FUT8: variants seen among roughly 807,000 people sequenced by gnomAD.
FUT8 encodes alpha-(1,6)-fucosyltransferase.
In FUT8, 29 loss-of-function variants were observed where a neutral mutation model predicts 71.3. The observed-to-expected ratio is 0.41, with a 90% CI of 0.30 to 0.55. The LOEUF (loss-of-function observed/expected upper bound fraction) is 0.55. FUT8 is among the 20% of genes least tolerant of loss of function. The probability of loss-of-function intolerance (pLI) is 0.34; values close to 1 mark genes in which losing one functional copy is unlikely to be tolerated. For synonymous variants in FUT8, 254 were observed against 239.3 expected (o/e 1.06, Z -0.57); for missense variants, 544 against 702.1 (o/e 0.77, Z 2.55).
At chr14:65,397,070 G>A in the FUT8 span, among the ~76,000 whole-genome samples, 2 of 152,170 alleles carry the variant, frequency 1.3e-5, no homozygotes, top group South Asian at 4.1e-4. The surrounding 1 kb of genome is among the most constrained non-coding windows in gnomAD (Gnocchi z 4.2). Flanking sequence ...TCCTCATAGT[G>A]GATAATTAGG....
chr14:65,549,777 C>T (rs1008034407), intron 2 of FUT8, among the ~76,000 whole-genome samples: 1 of 152,132 alleles, frequency 6.6e-6, no homozygotes, highest in African/African-American at 2.4e-5. Context: ...TAGTATCTGA[C>T]AATAAGTCCT....
the FUT8 span, among the ~76,000 whole-genome samples, chr14:65,376,384 G>T: frequency 6.6e-6 from 1 of 152,146 alleles, no homozygotes; most frequent in African/African-American, 2.4e-5. Context: ...AGCAAGAAAT[G>T]AAAATCTCTC....
the FUT8 span, among the ~76,000 whole-genome samples, chr14:65,384,925 C>T: frequency 6.9e-6 from 1 of 144,994 alleles, no homozygotes; most frequent in African/African-American, 2.6e-5. The surrounding 1 kb of genome is among the most constrained non-coding windows in gnomAD (Gnocchi z 4.2). Flanking sequence ...GAGTTTCGCT[C>T]TTGTTGCCCA....
Position 65,467,300 on chromosome 14 carries a change from T to A in FUT8, c.-228+11582T>A, listed in dbSNP as rs1295167373. ...TTTTTTAACAGCCCAGAGGTCTTAT[T>A]TTATTTTATTTTTTTGAGATGGAGT... On this transcript the variant is annotated intron_variant, in intron 2 of 10. Coordinates refer to ENST00000673929, the MANE Select transcript of FUT8 (RefSeq NM_001371533.1). The surrounding 1 kb of genome is among the most constrained non-coding windows in gnomAD (Gnocchi z 4.1). Among the ~76,000 whole-genome samples the A allele has an allele frequency of 6.6e-6, 1 of 152,100 alleles. No individual in the cohort carries two copies. The highest frequency in any genetic ancestry group is 2.4e-5 in the African/African-American group (1 of 41,408).
chr14:65,534,862 A>G (rs1218522221), intron 2 of FUT8, among the ~76,000 whole-genome samples: 1 of 151,366 alleles, frequency 6.6e-6, no homozygotes, highest in African/African-American at 2.4e-5. Context: ...AATTTTTTCA[A>G]AAAACAAACT....
At chr14:65,640,647 TTC>T (rs949716088) in intron 6 of FUT8, among the ~76,000 whole-genome samples, 5 of 152,062 alleles carry the variant, frequency 3.3e-5, no homozygotes, top group Admixed American at 3.3e-4. Context: ...TTTAAAGAAT[TTC>T]CCCCAAAACA....
intron 3 of FUT8, among the ~76,000 whole-genome samples, chr14:65,604,514 A>G (rs1273491399): frequency 6.6e-6 from 1 of 151,990 alleles, no homozygotes; most frequent in African/African-American, 2.4e-5. Context: ...TGGGTCAACA[A>G]TGAAATCAAA....
At chr14:65,475,063 A>G (rs570133882) in intron 2 of FUT8, among the ~76,000 whole-genome samples, 3 of 152,324 alleles carry the variant, frequency 2.0e-5, no homozygotes, top group African/African-American at 7.2e-5. Flanking sequence ...AGTTATGCAT[A>G]CAAGGATGAT....
intron 2 of FUT8, among the ~76,000 whole-genome samples, chr14:65,481,091 A>C (rs1455161999): frequency 2.6e-5 from 4 of 152,072 alleles, no homozygotes; most frequent in Non-Finnish European, 5.9e-5. Context: ...TTCTAATTTC[A>C]GCACATTCTT....
chr14:65,444,379 C>T (rs1035318115), intron 1 of FUT8, among the ~76,000 whole-genome samples: 9 of 152,202 alleles, frequency 5.9e-5, no homozygotes, highest in Non-Finnish European at 1.0e-4. Flanking sequence ...TATACAGCTA[C>T]TTCAGAGAAC....
intron 6 of FUT8, among the ~76,000 whole-genome samples, chr14:65,654,819 A>G (rs1026350501): frequency 6.6e-6 from 1 of 152,198 alleles, no homozygotes; most frequent in African/African-American, 2.4e-5. Context: ...TGCATGAAAT[A>G]TAAATACAAA....
At chr14:65,611,953 A>G (rs148828291) in intron 3 of FUT8, among the ~76,000 whole-genome samples, 3 of 152,212 alleles carry the variant, frequency 2.0e-5, no homozygotes, top group African/African-American at 7.2e-5. Flanking sequence ...GAGCCACCGC[A>G]CCTGGCCTAT....
chr14:65,384,403 A>T, the FUT8 span, among the ~76,000 whole-genome samples: 1 of 152,128 alleles, frequency 6.6e-6, no homozygotes, highest in Non-Finnish European at 1.5e-5. The surrounding 1 kb of genome is among the most constrained non-coding windows in gnomAD (Gnocchi z 4.2). Context: ...ATGCACCACC[A>T]TGCCTGACTA....
chr14:65,429,538 T>C (rs1325896023), intron 1 of FUT8, among the ~76,000 whole-genome samples: 1 of 152,144 alleles, frequency 6.6e-6, no homozygotes, highest in African/African-American at 2.4e-5. Context: ...TGAAGATTTG[T>C]CACTCTGACA....
chr14:65,497,000 C>T (rs192326417), intron 2 of FUT8, among the ~76,000 whole-genome samples: 153 of 152,202 alleles, frequency 1.0e-3, no homozygotes, highest in Non-Finnish European at 1.9e-3. Flanking sequence ...ATAGCAACCA[C>T]CTCCTAGGGT....
At chr14:65,460,217 A>G (rs2065951202) in intron 2 of FUT8, among the ~76,000 whole-genome samples, 1 of 152,226 alleles carries the variant, frequency 6.6e-6, no homozygotes, top group African/African-American at 2.4e-5. Context: ...CTGTTTCTGC[A>G]CATTCGCTGA....
In FUT8 at chr14:65,616,038, G is replaced by A. The variant is rs373968009; in HGVS notation, c.264G>A (p.Glu88=). The A allele has an allele frequency of 4.0e-5, 64 of 1,613,946 alleles. No homozygotes were observed. The Middle Eastern group carries it at 4.9e-4, about 12-fold the overall frequency. ...TAGGAAGAGTACGCGTTTTAGAAGA[G>A]CAGCTTGTTAAGGCCAAAGAACAGA... is the stretch of plus-strand genomic sequence containing the variant. The part of the protein sequence containing the change: ...PAIGRVRVLE[E]QLVKAKEQIE... Residue 88 remains glutamate (E), a synonymous_variant, in exon 4 of 11, where the codon GAG becomes GAA. Transcript: ENST00000673929.
intron 1 of FUT8, among the ~76,000 whole-genome samples, chr14:65,425,418 T>C (rs1301375863): frequency 6.7e-6 from 1 of 150,370 alleles, no homozygotes; most frequent in Non-Finnish European, 1.5e-5. Flanking sequence ...TCCACCCGCC[T>C]CGCCCTCCCA....
chr14:65,422,243 G>A (rs1182715787), intron 1 of FUT8, among the ~76,000 whole-genome samples: 1 of 151,944 alleles, frequency 6.6e-6, no homozygotes, highest in South Asian at 2.1e-4. Context: ...TTTGTTCTAT[G>A]ACCAAAAGAC....
Sources: gnomAD v4.1 joint callset for allele counts (sites outside exome capture counted in the v4.1 genomes callset) on GRCh38, gnomAD v4.1.1 for gene constraint, Gnocchi (gnomAD v3.1) non-coding constraint, MANE v1.5 for transcripts, NCBI Gene and HGNC (gene_info 2026-07-23, HGNC 2026-07-21) for gene names.